The following ADAMTSL1 variants were observed in gnomAD, a reference collection of about 807,000 sequenced individuals.
The protein encoded by ADAMTSL1 is ADAMTS-like protein 1.
Under a neutral mutation model 201.8 loss-of-function variants are expected in ADAMTSL1, and 126 were observed. The ratio of observed to expected loss-of-function variants is 0.62; its 90% CI spans 0.54 to 0.72. The LOEUF (loss-of-function observed/expected upper bound fraction) is 0.72. ADAMTSL1 is among the 30% of genes least tolerant of loss of function. ADAMTSL1 has a pLI of 0.00. For synonymous variants in ADAMTSL1, 1,121 were observed against 903.4 expected, an observed-to-expected ratio of 1.24 and a Z score of -4.32; for missense variants, 2,679 against 2,277.8, an observed-to-expected ratio of 1.18 and a Z score of -3.59.
chr9:18,856,460 ATTTTTTTTTTTTTTT>A (rs398010404), intron 23 of ADAMTSL1, among the ~76,000 whole-genome samples: 1 of 112,014 alleles, frequency 8.9e-6, no homozygotes, highest in African/African-American at 3.4e-5. Flanking sequence ...GATAAGAAGG[ATTTTTTTTTTTTTTT>A]TTTTTTGAGA....
intron 2 of ADAMTSL1, among the ~76,000 whole-genome samples, chr9:18,168,933 A>T (rs1285566846): frequency 6.6e-6 from 1 of 151,500 alleles, no homozygotes; most frequent in African/African-American, 2.4e-5. Context: ...TCTTTTGAGA[A>T]GTGTCTGTTC....
chr9:18,821,815 T>A (rs926287348), intron 21 of ADAMTSL1, among the ~76,000 whole-genome samples: 1 of 152,174 alleles, frequency 6.6e-6, no homozygotes, highest in East Asian at 1.9e-4. Flanking sequence ...CCTTGAGATG[T>A]TGACACACCG....
At chr9:18,267,860 T>TA (rs1211931170) in intron 2 of ADAMTSL1, among the ~76,000 whole-genome samples, 3 of 150,096 alleles carry the variant, frequency 2.0e-5, no homozygotes, top group Non-Finnish European at 4.4e-5. Context: ...CTTTGAAACA[T>TA]ACATTCTTCT....
At chr9:18,386,727 G>C (rs1391573329) in intron 2 of ADAMTSL1, among the ~76,000 whole-genome samples, 1 of 152,078 alleles carries the variant, frequency 6.6e-6, no homozygotes, top group Admixed American at 6.6e-5. Context: ...TAGTCATCGT[G>C]TGTCTTTTTA....
intron 23 of ADAMTSL1, among the ~76,000 whole-genome samples, chr9:18,842,920 A>G (rs561498919): frequency 6.6e-6 from 1 of 152,168 alleles, no homozygotes; most frequent in South Asian, 2.1e-4. Flanking sequence ...TTTTGAGCCT[A>G]TGCATGTCTC....
rs576599649 is a variant in ADAMTSL1 at position 18,226,066 on chromosome 9, A to G, written c.207+62085A>G. Among the ~76,000 whole-genome samples, 4 of 152,304 alleles carry G rather than the reference A, an allele frequency of 2.6e-5. No homozygotes were observed. In the East Asian group the frequency reaches 7.7e-4, roughly 29 times the overall value. ...TAGGTTAATATTAATTTAGGTTAAT[A>G]TTTAATAGGAGTTTTCTTTAGTCAT... On this transcript the variant is annotated intron_variant, in intron 2 of 29. Transcript: ENST00000680146.
intron 2 of ADAMTSL1, among the ~76,000 whole-genome samples, chr9:18,239,755 G>A (rs984237886): frequency 3.3e-5 from 5 of 151,216 alleles, no homozygotes; most frequent in Admixed American, 2.0e-4. Flanking sequence ...CTCAAAGAAA[G>A]AAGGAAAGAA....
intron 6 of ADAMTSL1, among the ~76,000 whole-genome samples, chr9:18,637,718 G>T (rs565453620): frequency 1.3e-5 from 2 of 152,196 alleles, no homozygotes; most frequent in East Asian, 3.9e-4. Context: ...GGGAGTGAAA[G>T]ATACCCTGTT....
chr9:18,702,944 T>C (rs1198227223), intron 13 of ADAMTSL1, among the ~76,000 whole-genome samples: 3 of 152,018 alleles, frequency 2.0e-5, no homozygotes, highest in Non-Finnish European at 4.4e-5. Flanking sequence ...TGTATCTTTA[T>C]AGAGACAGGG....
chr9:18,766,813 C>A (rs929463966), intron 16 of ADAMTSL1, among the ~76,000 whole-genome samples: 11 of 151,990 alleles, frequency 7.2e-5, no homozygotes, highest in Non-Finnish European at 1.3e-4. Flanking sequence ...GTCCTCACCC[C>A]TAATACTATC....
intron 2 of ADAMTSL1, among the ~76,000 whole-genome samples, chr9:18,363,657 T>C (rs900817334): frequency 3.3e-5 from 5 of 152,208 alleles, no homozygotes; most frequent in South Asian, 2.1e-4. Flanking sequence ...ATGGTACTTA[T>C]GGTGAGTCCA....
At chr9:17,929,764 T>A (rs1324646418) in intron 1 of ADAMTSL1, among the ~76,000 whole-genome samples, 1 of 152,220 alleles carries the variant, frequency 6.6e-6, no homozygotes, top group Non-Finnish European at 1.5e-5. Context: ...GACCCTGGAC[T>A]TCCTTCTGTG....
chr9:18,688,676 AAAAAAAAAAAAAAAT>A (rs1344089197), intron 13 of ADAMTSL1, among the ~76,000 whole-genome samples: 2 of 65,984 alleles, frequency 3.0e-5, no homozygotes, highest in African/African-American at 9.1e-5. Flanking sequence ...AAAAAAAAAA[AAAAAAAAAAAAAAAT>A]ATATATATAT....
intron 1 of ADAMTSL1, among the ~76,000 whole-genome samples, chr9:17,922,618 G>A (rs1302382845): frequency 1.3e-5 from 2 of 152,100 alleles, no homozygotes; most frequent in African/African-American, 2.4e-5. Context: ...GATATGATGT[G>A]TCTTATTTAC....
At chr9:17,979,089 G>A (rs2029871557) in intron 1 of ADAMTSL1, among the ~76,000 whole-genome samples, 1 of 151,152 alleles carries the variant, frequency 6.6e-6, no homozygotes, top group Non-Finnish European at 1.5e-5. Flanking sequence ...CTTTTTTCTT[G>A]CTGCTTTAAA....
intron 15 of ADAMTSL1, among the ~76,000 whole-genome samples, chr9:18,735,748 C>CTTTTCTTTTCTTTTTTTTTTT (rs762386875): frequency 5.6e-5 from 6 of 106,674 alleles, no homozygotes; most frequent in African/African-American, 7.2e-5. Context: ...ATTCTTTTTT[C>CTTTTCTTTTCTTTTTTTTTTT]TTTTTTTTTT....
chr9:18,453,895 C>G (rs1024645257), intron 2 of ADAMTSL1, among the ~76,000 whole-genome samples: 1 of 152,144 alleles, frequency 6.6e-6, no homozygotes, highest in East Asian at 1.9e-4. Flanking sequence ...TCTAGAAACT[C>G]CCAAGCCAAT....
intron 15 of ADAMTSL1, among the ~76,000 whole-genome samples, chr9:18,724,250 A>T (rs1310524870): frequency 6.6e-6 from 1 of 152,216 alleles, no homozygotes; most frequent in Non-Finnish European, 1.5e-5. Flanking sequence ...ACTGAACACC[A>T]GTTAGGGAGC....
At chr9:17,996,529 A>G (rs1819389441) in intron 1 of ADAMTSL1, among the ~76,000 whole-genome samples, 1 of 152,114 alleles carries the variant, frequency 6.6e-6, no homozygotes, top group African/African-American at 2.4e-5. Context: ...TAATTCTTGG[A>G]GAACTTTACA....
Sources: allele counts gnomAD v4.1 joint callset (sites outside exome capture counted in the v4.1 genomes callset), GRCh38; gene constraint gnomAD v4.1.1; transcripts MANE v1.5; gene names NCBI Gene and HGNC (gene_info 2026-07-23, HGNC 2026-07-21).